TNIK: variants seen among roughly 807,000 people sequenced by gnomAD.
TNIK encodes TRAF2 and NCK-interacting protein kinase.
A neutral mutation model predicts 191.3 loss-of-function variants in TNIK; 49 were observed. The ratio of observed to expected loss-of-function variants is 0.26; its 90% CI spans 0.20 to 0.32. The LOEUF (loss-of-function observed/expected upper bound fraction) is 0.32. Among genes scored for constraint, TNIK ranks in the 10% least tolerant of loss-of-function variants. The pLI is 1.00. For missense variants in TNIK, 1,155 were observed against 1,702.3 expected (o/e 0.68, Z 5.66); for synonymous variants, 594 against 600.9 (o/e 0.99, Z 0.17).
intron 2 of TNIK, among the ~76,000 whole-genome samples, chr3:171,313,658 T>C (rs1286748261): frequency 1.3e-5 from 2 of 152,092 alleles, no homozygotes; most frequent in Admixed American, 6.6e-5. Context: ...GTAGCCATGT[T>C]GAGGTGGGAG....
rs565066573 is a variant in TNIK at position 171,226,446 on chromosome 3, C to A, written c.180+1719G>T. Among the ~76,000 whole-genome samples the A allele has an allele frequency of 3.9e-5, 6 of 152,280 alleles. No individual in the cohort carries two copies. In the South Asian group the frequency reaches 1.2e-3, roughly 32 times the overall value. ...AGCAGAAAGATAAAAACATCCTTCA[C>A]TCTACCATATCACTGACATACATCC... is the stretch of plus-strand genomic sequence containing the variant. On this transcript the variant is annotated intron_variant, in intron 3 of 32. Coordinates refer to ENST00000436636, the MANE Select transcript of TNIK (RefSeq NM_015028.4).
At chr3:171,225,698 G>A (rs113719484) in intron 3 of TNIK, 1 of 449,274 alleles carries the variant, frequency 2.2e-6, no homozygotes, top group Non-Finnish European at 4.5e-6. Flanking sequence ...TCCAAGCAAG[G>A]TGGTCTAGCA....
chr3:171,449,149 T>C (rs1386197012), intron 1 of TNIK, among the ~76,000 whole-genome samples: 1 of 152,058 alleles, frequency 6.6e-6, no homozygotes, highest in Non-Finnish European at 1.5e-5. Flanking sequence ...ATCCAGTCTA[T>C]CATTGATGGG....
chr3:171,447,052 G>A (rs369996996), intron 1 of TNIK, among the ~76,000 whole-genome samples: 12 of 152,024 alleles, frequency 7.9e-5, no homozygotes, highest in Non-Finnish European at 1.2e-4. Context: ...TTAGTTGGGC[G>A]TGGTGGCGAG....
At position 171,090,194 on chromosome 3, in the gene TNIK, G is replaced by A. The variant is rs144776241; in HGVS notation, c.2722-2688C>T. On this transcript the variant is annotated intron_variant, in intron 23 of 32. Coordinates refer to ENST00000436636, the MANE Select transcript of TNIK (RefSeq NM_015028.4). ...AGAGAGAAGAGCAAAGGAGAAATGT[G>A]GAAGAAAGCAGAGATTAGGGTAAGG... is the stretch of plus-strand genomic sequence containing the variant. 3.4e-3 allele frequency among the ~76,000 whole-genome samples: 521 copies of A among 152,232 alleles called. 4 individuals carry two copies. Among genetic ancestry groups the A allele is most frequent in the African/African-American group, 0.012 (508 of 41,542 alleles).
chr3:171,391,579 C>A (rs1719512953), intron 1 of TNIK, among the ~76,000 whole-genome samples: 2 of 152,146 alleles, frequency 1.3e-5, no homozygotes, highest in Non-Finnish European at 2.9e-5. Flanking sequence ...TAAATAAGTA[C>A]CCCTAGAAGT....
intron 2 of TNIK, among the ~76,000 whole-genome samples, chr3:171,330,893 G>A (rs753896739): frequency 2.2e-4 from 33 of 152,126 alleles, no homozygotes; most frequent in Non-Finnish European, 3.4e-4. Context: ...AAGAGTAAAT[G>A]CCAAGTGAGT....
At chr3:171,450,616 G>T (rs1728057533) in intron 1 of TNIK, among the ~76,000 whole-genome samples, 1 of 152,180 alleles carries the variant, frequency 6.6e-6, no homozygotes, top group Admixed American at 6.5e-5. Context: ...TATAGACAAA[G>T]ATATGCAAAC....
At chr3:171,153,327 T>C (rs1732719463) in intron 12 of TNIK, among the ~76,000 whole-genome samples, 1 of 152,188 alleles carries the variant, frequency 6.6e-6, no homozygotes, top group East Asian at 1.9e-4. Flanking sequence ...ATGTGTACTT[T>C]TATTACCACA....
intron 1 of TNIK, among the ~76,000 whole-genome samples, chr3:171,396,530 A>G (rs1015257977): frequency 1.3e-5 from 2 of 152,180 alleles, no homozygotes; most frequent in African/African-American, 4.8e-5. Flanking sequence ...AGCTGAACTC[A>G]CCAGCTTTTA....
chr3:171,430,599 A>C (rs1344882464), intron 1 of TNIK, among the ~76,000 whole-genome samples: 2 of 148,408 alleles, frequency 1.3e-5, no homozygotes, highest in Non-Finnish European at 3.0e-5. Flanking sequence ...AGATTGTGCC[A>C]CTGCATTCAG....
chr3:171,094,427 C>T lies in TNIK; in HGVS notation c.2592-459G>A, dbSNP rs192313839. Among the ~76,000 whole-genome samples, 196 of 152,260 alleles carry T rather than the reference C, an allele frequency of 1.3e-3. 1 individual carries two copies. Among genetic ancestry groups the T allele is most frequent in the Non-Finnish European group, 2.1e-3 (145 of 68,028 alleles). On this transcript the variant is annotated intron_variant, in intron 22 of 32. Transcript: ENST00000436636. ...CTGGGATTATAGGCGTGAGCCACCG[C>T]GCCCTGCCAATCTCATATTAATTTT... is the stretch of plus-strand genomic sequence containing the variant.
chr3:171,122,333 A>T (rs1253789315), intron 18 of TNIK, among the ~76,000 whole-genome samples: 1 of 152,168 alleles, frequency 6.6e-6, no homozygotes, highest in Non-Finnish European at 1.5e-5. Context: ...GGCACTGATA[A>T]AGTTCAGGCT....
chr3:171,166,098 C>A (rs1276722959), intron 10 of TNIK, among the ~76,000 whole-genome samples: 1 of 152,098 alleles, frequency 6.6e-6, no homozygotes, highest in Non-Finnish European at 1.5e-5. Context: ...GATACCATAC[C>A]GATGATTATG....
chr3:171,241,035 C>CT (rs113654211), intron 2 of TNIK, among the ~76,000 whole-genome samples: 28,470 of 142,514 alleles, frequency 0.2, 3,764 homozygotes, highest in African/African-American at 0.39. Context: ...TTTTTCTTTT[C>CT]TTTTTTTTTT....
intron 1 of TNIK, among the ~76,000 whole-genome samples, chr3:171,424,356 G>T (rs534227896): frequency 6.6e-6 from 1 of 152,196 alleles, no homozygotes; most frequent in Non-Finnish European, 1.5e-5. Context: ...AGGATGTGGA[G>T]AAATAGGAAC....
At chr3:171,307,771 T>C (rs1452238407) in intron 2 of TNIK, among the ~76,000 whole-genome samples, 2 of 152,140 alleles carry the variant, frequency 1.3e-5, no homozygotes, top group African/African-American at 4.8e-5. Context: ...CCTCTGAGGA[T>C]CTCTGAGACC....
intron 4 of TNIK, among the ~76,000 whole-genome samples, chr3:171,201,178 T>C (rs1322493007): frequency 6.6e-6 from 1 of 152,176 alleles, no homozygotes; most frequent in Non-Finnish European, 1.5e-5. Flanking sequence ...GGTGGGCAGA[T>C]CACCTGAGGT....
intron 1 of TNIK, among the ~76,000 whole-genome samples, chr3:171,395,488 A>G (rs1232561495): frequency 6.6e-6 from 1 of 152,200 alleles, no homozygotes; most frequent in Non-Finnish European, 1.5e-5. Flanking sequence ...CAGAGCCTAC[A>G]TTATATGTCC....
Sources: allele counts gnomAD v4.1 joint callset (sites outside exome capture counted in the v4.1 genomes callset), GRCh38; gene constraint gnomAD v4.1.1; transcripts MANE v1.5; gene names NCBI Gene and HGNC (gene_info 2026-07-23, HGNC 2026-07-21).